Variants in PRR23E observed in about 807,000 individuals in gnomAD.
PRR23E encodes proline-rich protein 23E.
chr3:127,197,206 C>CCTT, the PRR23E span: 1 of 1,596,686 alleles, frequency 6.3e-7, no homozygotes, highest in Non-Finnish European at 8.5e-7. Flanking sequence ...GAGGGGCCAT[C>CCTT]CAGAGGAGCT....
At chr3:127,193,936 G>A in the PRR23E span, among the ~76,000 whole-genome samples, 1 of 152,190 alleles carries the variant, frequency 6.6e-6, no homozygotes, top group Non-Finnish European at 1.5e-5. Context: ...TTGCCCTTGG[G>A]CGAGATTGTT....
At chr3:127,195,514 G>T in the PRR23E span, among the ~76,000 whole-genome samples, 1 of 152,134 alleles carries the variant, frequency 6.6e-6, no homozygotes, top group Non-Finnish European at 1.5e-5. Flanking sequence ...GTCCTCATCT[G>T]CTCAGCTCCT....
At chr3:127,196,455 T>C in the PRR23E span, 1 of 623,836 alleles carries the variant, frequency 1.6e-6, no homozygotes, top group South Asian at 2.4e-5. Context: ...CCAGGACACC[T>C]TGCTCCCCAT....
the PRR23E span, chr3:127,196,913 G>A: frequency 5.0e-6 from 8 of 1,599,386 alleles, no homozygotes; most frequent in South Asian, 7.7e-5. Flanking sequence ...CAGCCTTCTG[G>A]GCTTACCCGT....
At chr3:127,197,146 C>T in the PRR23E span, 2 of 1,594,808 alleles carry the variant, frequency 1.3e-6, no homozygotes, top group South Asian at 2.2e-5. Context: ...AGCCACTGTC[C>T]CCAGGTGGGA....
the PRR23E span, chr3:127,197,210 A>T: frequency 7.5e-6 from 12 of 1,597,090 alleles, no homozygotes; most frequent in Middle Eastern, 1.6e-4. Flanking sequence ...GGCCATCCAG[A>T]GGAGCTCCCT....
At chr3:127,194,316 A>T in the PRR23E span, among the ~76,000 whole-genome samples, 1 of 152,202 alleles carries the variant, frequency 6.6e-6, no homozygotes. Flanking sequence ...ACTGACACTA[A>T]AGATAGCTGA....
the PRR23E span, among the ~76,000 whole-genome samples, chr3:127,196,409 T>G: frequency 1.3e-5 from 2 of 152,134 alleles, no homozygotes; most frequent in Non-Finnish European, 2.9e-5. Flanking sequence ...GTGGCTGCTG[T>G]GCACCCCTCC....
the PRR23E span, chr3:127,197,176 C>A: frequency 6.3e-7 from 1 of 1,591,206 alleles, no homozygotes. Flanking sequence ...CCAGCCAGCT[C>A]AGCCCCCAGG....
At chr3:127,194,692 G>A in the PRR23E span, among the ~76,000 whole-genome samples, 4 of 152,168 alleles carry the variant, frequency 2.6e-5, no homozygotes, top group Admixed American at 6.5e-5. Context: ...ATTTCTGGGT[G>A]GGCCATTTGG....
chr3:127,196,472 TG>T, the PRR23E span: 1 of 704,550 alleles, frequency 1.4e-6, no homozygotes, highest in Non-Finnish European at 2.3e-6. Context: ...CCATCCTCCC[TG>T]GAGATGCCTT....
At chr3:127,195,703 C>T in the PRR23E span, among the ~76,000 whole-genome samples, 2 of 152,164 alleles carry the variant, frequency 1.3e-5, no homozygotes, top group Non-Finnish European at 2.9e-5. Context: ...CCTCAGGACC[C>T]CAGGGGTCCT....
the PRR23E span, chr3:127,196,760 C>T: frequency 4.3e-5 from 68 of 1,596,028 alleles, no homozygotes; most frequent in African/African-American, 1.7e-4. Context: ...AGGAAGCCCA[C>T]GGGACTCTGG....
chr3:127,196,959 C>T, the PRR23E span: 1 of 1,599,438 alleles, frequency 6.3e-7, no homozygotes, highest in Non-Finnish European at 8.5e-7. Flanking sequence ...GATGGGTTAT[C>T]CCCCTCCAGC....
the PRR23E span, chr3:127,197,644 G>C: frequency 2.4e-6 from 1 of 409,832 alleles, no homozygotes; most frequent in Non-Finnish European, 4.3e-6. Context: ...CTCCTCCCCA[G>C]ACTGTCCTGG....
At chr3:127,193,399 TCTC>T in the PRR23E span, 3 of 152,306 alleles carry the variant, frequency 2.0e-5, no homozygotes, top group Non-Finnish European at 4.4e-5. Context: ...GCATCTCCCC[TCTC>T]CTCCTTCCCG....
chr3:127,197,030 A>G, the PRR23E span: 2 of 1,596,006 alleles, frequency 1.3e-6, no homozygotes, highest in Non-Finnish European at 1.7e-6. Context: ...ACCCCCTCAT[A>G]GGAAGTCCGT....
chr3:127,197,336 T>C, the PRR23E span: 1 of 1,597,262 alleles, frequency 6.3e-7, no homozygotes, highest in Non-Finnish European at 8.5e-7. Flanking sequence ...CCATTGAAGA[T>C]TCTCAGCTGG....
the PRR23E span, chr3:127,197,420 C>T: frequency 6.6e-7 from 1 of 1,516,194 alleles, no homozygotes; most frequent in Admixed American, 2.0e-5. Context: ...GCTAATCAGC[C>T]CTCTAGACCC....
Sources: allele counts gnomAD v4.1 joint callset (sites outside exome capture counted in the v4.1 genomes callset), GRCh38; gene constraint gnomAD v4.1.1; transcripts MANE v1.5; gene names NCBI Gene and HGNC (gene_info 2026-07-23, HGNC 2026-07-21).